ASH1L: variants seen among roughly 807,000 people sequenced by gnomAD.
ASH1L encodes ASH1 like histone lysine methyltransferase.
A neutral mutation model predicts 269.0 loss-of-function variants in ASH1L; 23 were observed. The ratio of observed to expected loss-of-function variants is 0.09; its 90% CI spans 0.06 to 0.12. The LOEUF (loss-of-function observed/expected upper bound fraction) is 0.12, where lower values mean the gene tolerates loss of function less well. ASH1L is among the 10% of genes least tolerant of loss of function. The probability of loss-of-function intolerance (pLI) is 1.00; values close to 1 mark genes in which losing one functional copy is unlikely to be tolerated. For missense variants in ASH1L, 2,912 were observed against 3,567.8 expected, an observed-to-expected ratio of 0.82 and a Z score of 4.68; for synonymous variants, 1,187 against 1,253.5, an observed-to-expected ratio of 0.95 and a Z score of 1.12.
At chr1:155,382,113 AG>A (rs1254916230) in intron 7 of ASH1L, among the ~76,000 whole-genome samples, 4 of 152,006 alleles carry the variant, frequency 2.6e-5, no homozygotes, top group South Asian at 2.1e-4. Context: ...AGGCTGAGGC[AG>A]GAGAATTGTT....
At position 155,482,440 on chromosome 1, in the gene ASH1L, T is replaced by C; in HGVS notation, c.430A>G (p.Lys144Glu). 1 of 1,607,516 alleles carries C rather than the reference T, an allele frequency of 6.2e-7. No homozygotes were observed. The highest frequency in any genetic ancestry group is 8.5e-7 in the Non-Finnish European group (1 of 1,176,958). Reference protein sequence around the residue: ...EHCPSKRDPSKLYKKADDVAA... With the variant: ...EHCPSKRDPSELYKKADDVAA... ...ACATCATCTGCTTTCTTGTACAACT[T>C]TGAAGGGTCCTAAAATTTGAACAAG... is the stretch of plus-strand genomic sequence containing the variant. Residue 144 changes from lysine to glutamate, a missense_variant, in exon 3 of 28, where the codon AAG becomes GAG. Coordinates refer to ENST00000392403, the MANE Select transcript of ASH1L (RefSeq NM_018489.3).
chr1:155,515,091 G>A (rs1000187210), intron 2 of ASH1L, among the ~76,000 whole-genome samples: 3 of 152,106 alleles, frequency 2.0e-5, no homozygotes, highest in African/African-American at 7.2e-5. Flanking sequence ...CTTTCCAAAT[G>A]CCAGCGAAAC....
intron 20 of ASH1L, among the ~76,000 whole-genome samples, chr1:155,347,434 A>G (rs555877495): frequency 3.9e-5 from 6 of 152,246 alleles, no homozygotes; most frequent in African/African-American, 1.4e-4. Flanking sequence ...AAAAAACAAG[A>G]AGAGAGGAGA....
At chr1:155,373,521 C>T (rs1478014488) in intron 10 of ASH1L, among the ~76,000 whole-genome samples, 1 of 152,086 alleles carries the variant, frequency 6.6e-6, no homozygotes, top group Non-Finnish European at 1.5e-5. Flanking sequence ...TCTCAAATTC[C>T]TGGGGGTCAT....
chr1:155,385,001 T>C (rs1295304015), intron 7 of ASH1L, among the ~76,000 whole-genome samples: 1 of 152,194 alleles, frequency 6.6e-6, no homozygotes, highest in Non-Finnish European at 1.5e-5. Context: ...TATTATTCTA[T>C]CTTCTAGTGC....
chr1:155,347,361 C>T (rs1237344469), intron 20 of ASH1L, among the ~76,000 whole-genome samples: 1 of 151,938 alleles, frequency 6.6e-6, no homozygotes, highest in Non-Finnish European at 1.5e-5. Flanking sequence ...GAGCTGAGAT[C>T]GTGCCACCAC....
At chr1:155,468,876 A>C (rs962691927) in intron 3 of ASH1L, among the ~76,000 whole-genome samples, 2 of 152,222 alleles carry the variant, frequency 1.3e-5, no homozygotes, top group Non-Finnish European at 1.5e-5. Flanking sequence ...ACAGATTGAG[A>C]AAATGTAATT....
At chr1:155,483,230 T>A (rs1419734356) in intron 2 of ASH1L, among the ~76,000 whole-genome samples, 2 of 152,196 alleles carry the variant, frequency 1.3e-5, no homozygotes, top group East Asian at 3.8e-4. Context: ...TGTAAAGTTA[T>A]ACTGTGTTTG....
intron 4 of ASH1L, among the ~76,000 whole-genome samples, chr1:155,447,209 T>C (rs773915367): frequency 1.3e-5 from 2 of 152,230 alleles, no homozygotes; most frequent in South Asian, 2.1e-4. Context: ...CTGTAATGGG[T>C]TGAGCAAATA....
chr1:155,399,193 T>C (rs913649326), intron 6 of ASH1L, among the ~76,000 whole-genome samples: 2 of 152,232 alleles, frequency 1.3e-5, no homozygotes, highest in African/African-American at 2.4e-5. Flanking sequence ...GTCATAGATA[T>C]TTTAGTAATT....
chr1:155,507,979 T>G (rs908260259), intron 2 of ASH1L, among the ~76,000 whole-genome samples: 1 of 152,180 alleles, frequency 6.6e-6, no homozygotes, highest in African/African-American at 2.4e-5. Context: ...GTAGAACTTT[T>G]TATTGCAAGC....
intron 1 of ASH1L, among the ~76,000 whole-genome samples, chr1:155,528,608 T>C (rs1307814363): frequency 1.3e-5 from 2 of 152,154 alleles, no homozygotes; most frequent in African/African-American, 4.8e-5. Flanking sequence ...GGTCAATCTT[T>C]TGTTCTGTTA....
Position 155,427,925 on chromosome 1 carries a change from A to G in ASH1L, c.5828+10402T>C, listed in dbSNP as rs557123260. 2.6e-5 allele frequency among the ~76,000 whole-genome samples: 4 copies of G among 152,230 alleles called. No individual in the cohort carries two copies. The South Asian group carries it at 8.3e-4, about 32-fold the overall frequency. ...GTTCTGTTGAGATCTGGTGCTTTAA[A>G]AAGTGTATGGCACTTCGTCCTTCTC... On this transcript the variant is annotated intron_variant, in intron 5 of 27. Coordinates refer to ENST00000392403, the MANE Select transcript of ASH1L (RefSeq NM_018489.3).
chr1:155,412,130 T>C (rs1420406691), intron 6 of ASH1L, among the ~76,000 whole-genome samples: 13 of 151,734 alleles, frequency 8.6e-5, no homozygotes, highest in African/African-American at 2.7e-4. Context: ...TAGTCCCAGC[T>C]ACTCAGGAGG....
chr1:155,392,431 C>T (rs188453262), intron 7 of ASH1L, among the ~76,000 whole-genome samples: 13 of 152,270 alleles, frequency 8.5e-5, no homozygotes, highest in Admixed American at 2.6e-4. Flanking sequence ...CTTTTGGTTG[C>T]TCTCCAGTGA....
Position 155,479,928 on chromosome 1 carries a change from G to A in ASH1L, c.2942C>T (p.Thr981Ile), listed in dbSNP as rs1332151089. The A allele has an allele frequency of 1.2e-6, 2 of 1,613,370 alleles. No homozygotes were observed. The highest frequency in any genetic ancestry group is 8.5e-7 in the Non-Finnish European group (1 of 1,179,752). Reference protein sequence around the residue: ...TKRNNGQLMKTIIRKINKMKT... With the variant: ...TKRNNGQLMKIIIRKINKMKT... ...CATTTTATTTATTTTGCGGATAATT[G>A]TTTTCATTAATTGTCCATTGTTTCT... The change falls in exon 3 of 28, where the codon ACA (threonine) becomes ATA (isoleucine). Residue 981 changes from threonine (T) to isoleucine (I), a missense_variant. Transcript: ENST00000392403.
At chr1:155,424,494 G>A (rs956219870) in intron 5 of ASH1L, among the ~76,000 whole-genome samples, 5 of 151,178 alleles carry the variant, frequency 3.3e-5, no homozygotes, top group African/African-American at 7.3e-5. Context: ...TGCAACCTCC[G>A]CCTCCTGGAT....
chr1:155,393,063 C>A (rs950388744), intron 7 of ASH1L, among the ~76,000 whole-genome samples: 1 of 152,166 alleles, frequency 6.6e-6, no homozygotes, highest in Non-Finnish European at 1.5e-5. Context: ...CTGCTATGAT[C>A]TCACTAGTAA....
At chr1:155,495,397 A>G (rs1287250280) in intron 2 of ASH1L, among the ~76,000 whole-genome samples, 1 of 152,216 alleles carries the variant, frequency 6.6e-6, no homozygotes. Context: ...ACTAACCTGT[A>G]CAGCGTGGTA....
Sources: gnomAD v4.1 joint callset for allele counts (sites outside exome capture counted in the v4.1 genomes callset) on GRCh38, gnomAD v4.1.1 for gene constraint, MANE v1.5 for transcripts, NCBI Gene and HGNC (gene_info 2026-07-23, HGNC 2026-07-21) for gene names.